The following TMEM115 variants were observed in gnomAD, a reference collection of about 807,000 sequenced individuals.
TMEM115 encodes transmembrane protein 115.
TMEM115 carries 8 observed loss-of-function variants against 20.1 expected under a neutral mutation model. The ratio of observed to expected loss-of-function variants is 0.40; its 90% CI spans 0.23 to 0.72. The LOEUF is 0.72. Among genes scored for constraint, TMEM115 ranks in the 30% least tolerant of loss-of-function variants. The pLI is 0.39. For missense variants in TMEM115, 374 were observed against 455.1 expected (o/e 0.82, Z 1.62); for synonymous variants, 229 against 206.2 (o/e 1.11, Z -0.95).
In TMEM115 at chr3:50,355,447, C is replaced by A; in HGVS notation, c.952G>T (p.Val318Leu). 1 of 1,604,714 alleles carries A rather than the reference C, an allele frequency of 6.2e-7. No individual in the cohort carries two copies. The highest frequency in any genetic ancestry group is 8.5e-7 in the Non-Finnish European group (1 of 1,175,358). Residue 318 changes from valine (V) to leucine (L), a missense_variant, in exon 2 of 2, where the codon GTG becomes TTG. Val to Leu is a conservative substitution (Grantham distance 32, BLOSUM62 1). Coordinates refer to ENST00000266025, the MANE Select transcript of TMEM115 (RefSeq NM_007024.5). ...DDDEEESGAK[V>L]DSPLPSDKAP... ...TTGTCTGAGGGCAGGGGGCTGTCCA[C>A]CTTGGCCCCAGACTCCTCTTCATCA...
At position 50,358,521 on chromosome 3, in the gene TMEM115, C is replaced by T; in HGVS notation, c.543G>A (p.Arg181=). 3.1e-6 allele frequency: 5 copies of T among 1,611,966 alleles called. No individual in the cohort carries two copies. Among genetic ancestry groups the T allele is most frequent in the Non-Finnish European group, 4.2e-6 (5 of 1,179,572 alleles). The change falls in exon 1 of 2, where the codon CGG becomes CGA. Residue 181 remains arginine, a synonymous_variant. Transcript: ENST00000266025. The part of the protein sequence containing the change: ...MLLLALLLLL[R]LATLLQSPAL... ...CCGGGCTCTGGAGCAGCGTGGCGAG[C>T]CGCAGCAGGAGCAGCAGCGCCAGCA... is the stretch of plus-strand genomic sequence containing the variant.
rs1703850833 is a variant in TMEM115 at position 50,355,321 on chromosome 3, C to G, written c.*22G>C. The G allele has an allele frequency of 6.9e-7, 1 of 1,455,706 alleles. No homozygotes were observed. The highest frequency in any genetic ancestry group is 9.1e-7 in the Non-Finnish European group (1 of 1,095,628). 90.2% of individuals were successfully genotyped at this position (1,455,706 alleles called of 1,614,324 possible). A position where few individuals can be genotyped will look rare whatever the true frequency, so the allele number is the denominator to read the frequency against. Reference sequence around the variant, plus strand: ...CAAGGGGGGCTTGGGAGGGGAGGTGCCACACTCAAGGTGGTCTGGAGTTAC... The same window carrying G: ...CAAGGGGGGCTTGGGAGGGGAGGTGGCACACTCAAGGTGGTCTGGAGTTAC... On this transcript the variant is annotated 3_prime_UTR_variant, in exon 2 of 2. Coordinates refer to ENST00000266025, the MANE Select transcript of TMEM115 (RefSeq NM_007024.5).
Position 50,355,522 on chromosome 3 carries a change from C to A in TMEM115, c.877G>T (p.Glu293Ter). The change falls in exon 2 of 2, where the codon GAG becomes TAG. Residue 293 changes from glutamate (E) to a stop codon, truncating the protein, a stop_gained. Transcript: ENST00000266025. LOFTEE classifies it high-confidence loss of function. ...TGGTCTTCCACTCTCTTCAGCCGCT[C>A]ATTGAGTGCCTTCAGGGCCAGTTGC... is the stretch of plus-strand genomic sequence containing the variant. ...RRQLALKALNERLKRVEDQSI... is the reference protein window; with the variant it reads ...RRQLALKALN The A allele has an allele frequency of 6.2e-7, 1 of 1,602,402 alleles. No homozygotes were observed. The highest frequency in any genetic ancestry group is 8.5e-7 in the Non-Finnish European group (1 of 1,174,202).
chr3:50,356,731 G>A (rs2109379236), intron 1 of TMEM115, among the ~76,000 whole-genome samples: 3 of 152,332 alleles, frequency 2.0e-5, no homozygotes, highest in Middle Eastern at 6.8e-3. Flanking sequence ...AGGAAACCCT[G>A]CCTCCCTCTC....
chr3:50,358,156 A>G, intron 1 of TMEM115, 57 bp downstream of exon 1: 2 of 1,586,222 alleles, frequency 1.3e-6, no homozygotes, highest in African/African-American at 1.3e-5. Flanking sequence ...AACAGATGGC[A>G]TGTGACTCGA....
chr3:50,355,296 C>G lies in TMEM115; in HGVS notation c.*47G>C, dbSNP rs140543030. 1.2e-3 allele frequency: 1,629 copies of G among 1,386,162 alleles called. 3 individuals carry two copies. Among genetic ancestry groups the G allele is most frequent in the Non-Finnish European group, 1.4e-3 (1,498 of 1,035,278 alleles). 85.9% of individuals were successfully genotyped at this position (1,386,162 alleles called of 1,614,324 possible). A position where few individuals can be genotyped will look rare whatever the true frequency, so the allele number is the denominator to read the frequency against. ...TGCCCTGGAGTAGCTGAGAGGATGT[C>G]AAGGGGGGCTTGGGAGGGGAGGTGC... is the stretch of plus-strand genomic sequence containing the variant. On this transcript the variant is annotated 3_prime_UTR_variant, in exon 2 of 2. Transcript: ENST00000266025.
Position 50,355,292 on chromosome 3 carries a change from A to C in TMEM115, c.*51T>G, listed in dbSNP as rs764455168. On this transcript the variant is annotated 3_prime_UTR_variant, in exon 2 of 2. Coordinates refer to ENST00000266025, the MANE Select transcript of TMEM115 (RefSeq NM_007024.5). Reference sequence around the variant, plus strand: ...CAGGTGCCCTGGAGTAGCTGAGAGGATGTCAAGGGGGGCTTGGGAGGGGAG... The same window carrying C: ...CAGGTGCCCTGGAGTAGCTGAGAGGCTGTCAAGGGGGGCTTGGGAGGGGAG... The C allele has an allele frequency of 7.5e-7, 1 of 1,336,834 alleles. No homozygotes were observed. Among genetic ancestry groups the C allele is most frequent in the African/African-American group, 1.5e-5 (1 of 66,690 alleles). 82.8% of individuals were successfully genotyped at this position (1,336,834 alleles called of 1,614,324 possible).
rs1438851798 is a variant in TMEM115 at position 50,358,986 on chromosome 3, CAG to C, written c.76_77del (p.Leu26ValfsTer186). The C allele has an allele frequency of 6.3e-7, 1 of 1,594,058 alleles. No homozygotes were observed. Among genetic ancestry groups the C allele is most frequent in the African/African-American group, 1.3e-5 (1 of 74,590 alleles). On this transcript the variant is annotated frameshift_variant, in exon 1 of 2. Coordinates refer to ENST00000266025, the MANE Select transcript of TMEM115 (RefSeq NM_007024.5). LOFTEE classifies it high-confidence loss of function. ...GGTAGAGGAATAGTACCGCCGCACA[CAG>C]AGCCTTCACCACCACGCTGGCGCTG... The part of the protein sequence containing the change: ...LASASVVVKA[L>X]CAAVLFLYLL...
At chr3:50,355,707 T>C (rs1291678651) in intron 1 of TMEM115, among the ~76,000 whole-genome samples, 160 bp from the exon 2 acceptor site, 1 of 152,008 alleles carries the variant, frequency 6.6e-6, no homozygotes, top group Non-Finnish European at 1.5e-5. Context: ...TCCCCAGAGA[T>C]TGGTTTAGGA....
At position 50,355,276 on chromosome 3, in the gene TMEM115, T is replaced by C; in HGVS notation, c.*67A>G. 1 of 1,250,264 alleles carries C rather than the reference T, an allele frequency of 8.0e-7. No homozygotes were observed. The highest frequency in any genetic ancestry group is 2.7e-5 in the East Asian group (1 of 37,516). The allele number at this position is 1,250,264 out of a possible 1,614,324, so 77.4% of individuals were successfully genotyped here. ...CTCTCCTCAGAGCAGTCAGGTGCCC[T>C]GGAGTAGCTGAGAGGATGTCAAGGG... On this transcript the variant is annotated 3_prime_UTR_variant, in exon 2 of 2. Transcript: ENST00000266025.
chr3:50,358,435 C>T lies in TMEM115; in HGVS notation c.629G>A (p.Arg210His), dbSNP rs368245144. 3 of 1,613,674 alleles carry T rather than the reference C, an allele frequency of 1.9e-6. No homozygotes were observed. The highest frequency in any genetic ancestry group is 1.3e-5 in the African/African-American group (1 of 74,928). ...CATGTCCCCTCGGCCCCGGCTATGG[C>T]GCTGGTAGAAGCGAAGATATACCCA... ...SSWVYLRFYQ[R>H]HSRGRGDMAD... is the part of the protein sequence containing the mutation. The change falls in exon 1 of 2, where the codon CGC becomes CAC. Residue 210 changes from arginine (R) to histidine (H), a missense_variant. Arg to His is a conservative substitution (Grantham distance 29). Transcript: ENST00000266025.
chr3:50,356,811 C>A (rs1391346333), intron 1 of TMEM115, among the ~76,000 whole-genome samples: 1 of 152,176 alleles, frequency 6.6e-6, no homozygotes, highest in Admixed American at 6.5e-5. Flanking sequence ...ATAACCGCCA[C>A]CCCCATGTAA....
chr3:50,356,546 T>TC (rs1341029251), intron 1 of TMEM115, among the ~76,000 whole-genome samples: 1 of 152,030 alleles, frequency 6.6e-6, no homozygotes, highest in Admixed American at 6.5e-5. Context: ...CTAGCACGCT[T>TC]CCCCCCTGCC....
rs1450867679 is a variant in TMEM115 at position 50,358,589 on chromosome 3, G to A, written c.475C>T (p.Leu159=). 6 of 1,611,388 alleles carry A rather than the reference G, an allele frequency of 3.7e-6. No individual in the cohort carries two copies. The African/African-American group carries it at 6.7e-5, about 18-fold the overall frequency. Residue 159 remains leucine, a synonymous_variant, in exon 1 of 2, where the codon CTG becomes TTG. Coordinates refer to ENST00000266025, the MANE Select transcript of TMEM115 (RefSeq NM_007024.5). ...CTGACGCGCACCTGGGGCACTCGCA[G>A]GACCACACAGTCCCCCATGGTTTGC... ...LKQTMGDCVV[L]RVPQVRVSVM...
Position 50,355,216 on chromosome 3 carries a change from A to G in TMEM115, c.*127T>C. 1 of 668,612 alleles carries G rather than the reference A, an allele frequency of 1.5e-6. No homozygotes were observed. The allele number at this position is 668,612 out of a possible 1,614,324, so 41.4% of individuals were successfully genotyped here. On this transcript the variant is annotated 3_prime_UTR_variant, in exon 2 of 2. Coordinates refer to ENST00000266025, the MANE Select transcript of TMEM115 (RefSeq NM_007024.5). The stretch of plus-strand genomic sequence containing the variant: ...CTGGGTAGTGTTGGCGAGAAACAGC[A>G]GAAGGCCATGGAAAGCCCCAGCAGG...
chr3:50,358,913 A>C lies in TMEM115; in HGVS notation c.151T>G (p.Tyr51Asp), dbSNP rs770867725. Residue 51 changes from tyrosine to aspartate, a missense_variant, in exon 1 of 2, where the codon TAC becomes GAC. Coordinates refer to ENST00000266025, the MANE Select transcript of TMEM115 (RefSeq NM_007024.5). Reference sequence around the variant, plus strand: ...ATCCAGAAGTTGGGAGGAAAGAGGTAGCCCGGGGTGACCGCCAGGCAGCCT... The same window carrying C: ...ATCCAGAAGTTGGGAGGAAAGAGGTCGCCCGGGGTGACCGCCAGGCAGCCT... Reference protein sequence around the residue: ...DTGCLAVTPGYLFPPNFWIWT... With the variant: ...DTGCLAVTPGDLFPPNFWIWT... The C allele has an allele frequency of 6.2e-7, 1 of 1,613,002 alleles. No homozygotes were observed. The highest frequency in any genetic ancestry group is 1.3e-5 in the African/African-American group (1 of 75,076).
chr3:50,355,302 G>GA lies in TMEM115; in HGVS notation c.*40_*41insT. On this transcript the variant is annotated 3_prime_UTR_variant, in exon 2 of 2. Coordinates refer to ENST00000266025, the MANE Select transcript of TMEM115 (RefSeq NM_007024.5). ...GGAGTAGCTGAGAGGATGTCAAGGG[G>GA]GGCTTGGGAGGGGAGGTGCCACACT... The GA allele has an allele frequency of 6.4e-6, 9 of 1,399,704 alleles. No homozygotes were observed. Among genetic ancestry groups the GA allele is most frequent in the Non-Finnish European group, 7.6e-6 (8 of 1,047,066 alleles). 86.7% of individuals were successfully genotyped at this position (1,399,704 alleles called of 1,614,324 possible). A position where few individuals can be genotyped will look rare whatever the true frequency, so the allele number is the denominator to read the frequency against.
intron 1 of TMEM115, 181 bp downstream of exon 1, chr3:50,358,032 G>T: frequency 2.6e-6 from 2 of 757,586 alleles, no homozygotes; most frequent in African/African-American, 1.8e-5. Context: ...AAAGTGCCTC[G>T]TGGACCCCAG....
intron 1 of TMEM115, among the ~76,000 whole-genome samples, chr3:50,357,802 G>A (rs1393572931): frequency 1.3e-5 from 2 of 152,218 alleles, no homozygotes; most frequent in Admixed American, 6.5e-5. Flanking sequence ...TTTGGAAATT[G>A]GAGTGGCCCA....
Sources: gnomAD v4.1 joint callset for allele counts (sites outside exome capture counted in the v4.1 genomes callset) on GRCh38, gnomAD v4.1.1 for gene constraint, MANE v1.5 for transcripts, NCBI Gene and HGNC (gene_info 2026-07-23, HGNC 2026-07-21) for gene names.